The following TNXB variants were observed in gnomAD, a reference collection of about 807,000 sequenced individuals.
The protein encoded by TNXB is tenascin XB.
A neutral mutation model predicts 340.5 loss-of-function variants in TNXB; 183 were observed. That is an observed-to-expected ratio of 0.54 (90% CI 0.48 to 0.61). TNXB has a LOEUF of 0.61. Ranked by LOEUF, TNXB falls within the 20% of genes least tolerant of loss-of-function variation. The pLI, the probability that TNXB is intolerant of heterozygous loss-of-function variation, is 0.00. For missense variants in TNXB, 4,613 were observed against 5,446.4 expected, an observed-to-expected ratio of 0.85 and a Z score of 4.82; for synonymous variants, 2,121 against 2,314.5, an observed-to-expected ratio of 0.92 and a Z score of 2.40.
In TNXB at chr6:32,056,920, A is replaced by C. The variant is rs372798701; in HGVS notation, c.7826-17T>G. 2.4e-5 allele frequency: 39 copies of C among 1,606,318 alleles called. No individual in the cohort carries two copies. Among genetic ancestry groups the C allele is most frequent in the Non-Finnish European group, 3.2e-5 (38 of 1,174,582 alleles). On this transcript the variant is annotated splice_polypyrimidine_tract_variant and intron_variant, in intron 22 of 43. Transcript: ENST00000644971. Reference sequence around the variant, plus strand: ...CTTCATCCTCTGGAGTTGGACAGACACGTGTGGGGACAGTGAGGTCCCTGG... The same window carrying C: ...CTTCATCCTCTGGAGTTGGACAGACCCGTGTGGGGACAGTGAGGTCCCTGG...
Position 32,072,228 on chromosome 6 carries a change from T to C in TNXB, c.4752A>G (p.Thr1584=), listed in dbSNP as rs1778819617. Residue 1584 remains threonine (T), a synonymous_variant, in exon 13 of 44, where the codon ACA becomes ACG. Transcript: ENST00000644971. The surrounding 1 kb of genome is among the most constrained non-coding windows in gnomAD (Gnocchi z 4.4). ...PPLEPRLGEL[T]VTDITPDSVG... ...CAGAGTCAGGGGTTATATCCGTCAC[T>C]GTCAGCTCCCCTAGGCGTGGCTCCA... 6.2e-7 allele frequency: 1 copy of C among 1,611,018 alleles called. No homozygotes were observed. Among genetic ancestry groups the C allele is most frequent in the Admixed American group, 1.7e-5 (1 of 59,996 alleles).
chr6:32,042,258 G>A lies in TNXB; in HGVS notation c.12307+8C>T, dbSNP rs777654807. 3.4e-6 allele frequency: 4 copies of A among 1,171,826 alleles called. No individual in the cohort carries two copies. The highest frequency in any genetic ancestry group is 3.7e-6 in the Non-Finnish European group (3 of 810,988). 72.6% of individuals were successfully genotyped at this position (1,171,826 alleles called of 1,614,324 possible). Reference sequence around the variant, plus strand: ...TCCGTAGTTCCCCAGTCCCTGTGAGGCACTGACCCAGCCAGAACTCTCCAG... The same window carrying A: ...TCCGTAGTTCCCCAGTCCCTGTGAGACACTGACCCAGCCAGAACTCTCCAG... On this transcript the variant is annotated splice_region_variant and intron_variant, in intron 41 of 43. Coordinates refer to ENST00000644971, the MANE Select transcript of TNXB (RefSeq NM_001365276.2).
At chr6:32,104,633 CTTT>C (rs893462756) in intron 1 of TNXB, among the ~76,000 whole-genome samples, 1 of 151,116 alleles carries the variant, frequency 6.6e-6, no homozygotes, top group Non-Finnish European at 1.5e-5. Context: ...CTCCTGGCTG[CTTT>C]TTTTTTCTTT....
Position 32,087,622 on chromosome 6 carries a change from T to TGGGGGGGGGGGGGGGGGG in TNXB, c.2779+1162_2779+1163insCCCCCCCCCCCCCCCCCC. ...ATCAGGGCTGGCGGTGGGGCGGGGGTGGCGGGGCGGGGGTGCGGGGGAGCC... is the reference window on the plus strand; with the variant it reads ...ATCAGGGCTGGCGGTGGGGCGGGGGTGGGGGGGGGGGGGGGGGGGGCGGGGCGGGGGTGCGGGGGAGCC... On this transcript the variant is annotated intron_variant, in intron 6 of 43. Transcript: ENST00000644971. The surrounding 1 kb of genome is among the most constrained non-coding windows in gnomAD (Gnocchi z 9.0). 5 of 30,684 alleles carry TGGGGGGGGGGGGGGGGGG rather than the reference T, an allele frequency of 1.6e-4. No individual in the cohort carries two copies. The highest frequency in any genetic ancestry group is 3.2e-4 in the Non-Finnish European group (4 of 12,670). The allele number at this position is 30,684 out of a possible 1,614,324, so 1.9% of individuals were successfully genotyped here. A position where few individuals can be genotyped will look rare whatever the true frequency, so the allele number is the denominator to read the frequency against.
chr6:32,055,916 T>G lies in TNXB; in HGVS notation c.8402A>C (p.Lys2801Thr). The part of the protein sequence containing the change: ...VGGLEPGRKY[K>T]MHLYGLHEGR... ...CTCGTGGAGGCCGTACAGGTGCATC[T>G]TGTATTTGCGCCCGGGCTCCAGGCC... The change falls in exon 24 of 44, where the codon AAG becomes ACG. Residue 2801 changes from lysine (K) to threonine (T), a missense_variant. Physicochemically the swap from Lys to Thr is moderately conservative, Grantham distance 78. This residue lies in a region of TNXB where 4,327 missense variants were observed against 4,859.4 expected (regional missense o/e 0.89). Coordinates refer to ENST00000644971, the MANE Select transcript of TNXB (RefSeq NM_001365276.2). 6.2e-7 allele frequency: 1 copy of G among 1,613,492 alleles called. No homozygotes were observed. The highest frequency in any genetic ancestry group is 8.5e-7 in the Non-Finnish European group (1 of 1,179,874).
At chr6:32,048,135 G>T in intron 29 of TNXB, 123 bp from the exon 30 acceptor site, 4 of 1,269,626 alleles carry the variant, frequency 3.2e-6, no homozygotes, top group Non-Finnish European at 4.3e-6. Flanking sequence ...CCAGGAGTAG[G>T]AATAAAAGAG....
intron 25 of TNXB, 130 bp from the exon 26 acceptor site, chr6:32,053,123 A>G: frequency 8.7e-7 from 1 of 1,149,196 alleles, no homozygotes; most frequent in Non-Finnish European, 1.2e-6. Context: ...CCATCTTTGG[A>G]GCTGGGTGGT....
At chr6:32,086,236 G>T in intron 6 of TNXB, 118 bp from the exon 7 acceptor site, 2 of 1,265,052 alleles carry the variant, frequency 1.6e-6, no homozygotes, top group Non-Finnish European at 2.1e-6. Context: ...TCTACTTCTG[G>T]TTCCCTCACC....
Position 32,047,180 on chromosome 6 carries a change from C to T in TNXB, c.10324+554G>A, listed in dbSNP as rs535300527. ...CCCAGGGACCCAGGCCCAGACTGGCCGGCTGCTCTGTCCTCCTCTGGGCAT... is the reference window on the plus strand; with the variant it reads ...CCCAGGGACCCAGGCCCAGACTGGCTGGCTGCTCTGTCCTCCTCTGGGCAT... On this transcript the variant is annotated intron_variant, in intron 30 of 43. Transcript: ENST00000644971. The surrounding 1 kb of genome is among the most constrained non-coding windows in gnomAD (Gnocchi z 6.2). Among the ~76,000 whole-genome samples the T allele has an allele frequency of 6.6e-6, 1 of 152,204 alleles. No homozygotes were observed. Among genetic ancestry groups the T allele is most frequent in the Non-Finnish European group, 1.5e-5 (1 of 68,024 alleles).
At position 32,086,188 on chromosome 6, in the gene TNXB, A is replaced by G. The variant is rs993154372; in HGVS notation, c.2780-70T>C. 1.3e-5 allele frequency: 19 copies of G among 1,424,260 alleles called. No homozygotes were observed. The Admixed American group carries it at 4.3e-4, about 32-fold the overall frequency. The allele number at this position is 1,424,260 out of a possible 1,614,324, so 88.2% of individuals were successfully genotyped here. A position where few individuals can be genotyped will look rare whatever the true frequency, so the allele number is the denominator to read the frequency against. ...AACTAGAAAGGAATCCCCAGTCCCC[A>G]GGTTCTGCCCTCCAGCCTCTAAGAG... On this transcript the variant is annotated intron_variant, in intron 6 of 43. Coordinates refer to ENST00000644971, the MANE Select transcript of TNXB (RefSeq NM_001365276.2).
At chr6:32,101,433 C>T (rs1780715441) in intron 1 of TNXB, among the ~76,000 whole-genome samples, 1 of 150,820 alleles carries the variant, frequency 6.6e-6, no homozygotes, top group Admixed American at 6.6e-5. Context: ...GGACTACAGG[C>T]GCCCACCACC....
rs1028186902 is a variant in TNXB, at chr6:32,072,715, C to T, written c.4682-417G>A. Among the ~76,000 whole-genome samples the T allele has an allele frequency of 2.6e-5, 4 of 152,144 alleles. No individual in the cohort carries two copies. Among genetic ancestry groups the T allele is most frequent in the East Asian group, 1.9e-4 (1 of 5,190 alleles). On this transcript the variant is annotated intron_variant, in intron 12 of 43. Transcript: ENST00000644971. This position sits in a 1 kb window ranked among gnomAD's most constrained non-coding sequence, Gnocchi z 4.4. ...CCGGGTGCAGTGGCTCATGCCAGGC[C>T]GAGGCGGGTGGATCACCTGAGGTCA...
intron 24 of TNXB, among the ~76,000 whole-genome samples, chr6:32,055,555 C>A (rs969027400): frequency 2.0e-4 from 31 of 152,078 alleles, no homozygotes; most frequent in African/African-American, 7.2e-4. Context: ...GAATCAGGGA[C>A]GCAGAAAAAT....
At chr6:32,086,609 G>A (rs903800590) in intron 6 of TNXB, among the ~76,000 whole-genome samples, 2 of 152,078 alleles carry the variant, frequency 1.3e-5, no homozygotes, top group Non-Finnish European at 2.9e-5. Context: ...GGAAGAAGAG[G>A]TCCACCACCC....
At position 32,046,200 on chromosome 6, in the gene TNXB, GC is replaced by G. The variant is rs1405672269; in HGVS notation, c.10580del (p.Gly3527AlafsTer8). ...LYGLLGGKRL[G>X]PVSALGMTAP... Reference sequence around the variant, plus strand: ...CTGTCATTCCCAGGGCAGAGACCGGGCCCAGGCGCTTTCCCCCAAGGAGCCC... The same window carrying G: ...CTGTCATTCCCAGGGCAGAGACCGGGCCAGGCGCTTTCCCCCAAGGAGCCC... On this transcript the variant is annotated frameshift_variant, in exon 31 of 44. Transcript: ENST00000644971. LOFTEE classifies it high-confidence loss of function. The surrounding 1 kb of genome is among the most constrained non-coding windows in gnomAD (Gnocchi z 6.9). The G allele has an allele frequency of 4.4e-6, 7 of 1,591,094 alleles. No individual in the cohort carries two copies. The highest frequency in any genetic ancestry group is 6.0e-6 in the Non-Finnish European group (7 of 1,165,960).
intron 4 of TNXB, among the ~76,000 whole-genome samples, chr6:32,094,150 A>G (rs574430670): frequency 5.3e-5 from 8 of 151,656 alleles, no homozygotes; most frequent in Non-Finnish European, 1.2e-4. Context: ...GAGACAGAGA[A>G]AAAACTGGTT....
chr6:32,050,896 C>T (rs1227503499), intron 26 of TNXB, among the ~76,000 whole-genome samples: 1 of 152,190 alleles, frequency 6.6e-6, no homozygotes. Context: ...GCCACCCCAT[C>T]CCCATCTTTA....
In TNXB at chr6:32,097,913, G is replaced by T; in HGVS notation, c.286C>A (p.Leu96Ile). 6.3e-7 allele frequency: 1 copy of T among 1,589,792 alleles called. No homozygotes were observed. The highest frequency in any genetic ancestry group is 8.6e-7 in the Non-Finnish European group (1 of 1,163,950). The change falls in exon 2 of 44, where the codon CTT becomes ATT. Residue 96 changes from leucine to isoleucine, a missense_variant. Leu to Ile is a conservative substitution (Grantham distance 5). Around this residue, in one of 7 missense-constraint regions of TNXB, gnomAD observed 4,327 missense variants for 4,859.4 expected, o/e 0.89. Coordinates refer to ENST00000644971, the MANE Select transcript of TNXB (RefSeq NM_001365276.2). This position sits in a 1 kb window ranked among gnomAD's most constrained non-coding sequence, Gnocchi z 5.9. ...GCPPGTEPPV[L>I]ASEVQALRVR... ...CTCAGGGCCTGTACCTCTGAAGCAAGGACTGGGGGCTCGGTGCCTGGGGGA... is the reference window on the plus strand; with the variant it reads ...CTCAGGGCCTGTACCTCTGAAGCAATGACTGGGGGCTCGGTGCCTGGGGGA...
Position 32,087,118 on chromosome 6 carries a change from C to A in TNXB, c.2780-1000G>T. On this transcript the variant is annotated intron_variant, in intron 6 of 43. Transcript: ENST00000644971. The surrounding 1 kb of genome is among the most constrained non-coding windows in gnomAD (Gnocchi z 9.0). ...GCTTTGTCCTGGGGGCCCCCTGGAG[C>A]CCCGGCCAGGTAGGGCCTGAAGGTA... 2.6e-6 allele frequency: 1 copy of A among 391,444 alleles called. No homozygotes were observed. The highest frequency in any genetic ancestry group is 7.3e-5 in the East Asian group (1 of 13,708). The allele number at this position is 391,444 out of a possible 1,614,324, so 24.2% of individuals were successfully genotyped here.
Sources: gnomAD v4.1 joint callset for allele counts (sites outside exome capture counted in the v4.1 genomes callset) on GRCh38, gnomAD v4.1.1 for gene constraint, gnomAD v4.1.1 regional missense constraint, Gnocchi (gnomAD v3.1) non-coding constraint, MANE v1.5 for transcripts, NCBI Gene and HGNC (gene_info 2026-07-23, HGNC 2026-07-21) for gene names.